Variants in GALNT13 observed in about 807,000 individuals in gnomAD.
GALNT13 encodes polypeptide N-acetylgalactosaminyltransferase 13.
Under a neutral mutation model 64.2 loss-of-function variants are expected in GALNT13, and 28 were observed. The observed-to-expected ratio is 0.44, with a 90% CI of 0.32 to 0.60. The LOEUF (loss-of-function observed/expected upper bound fraction) is 0.60. GALNT13 is among the 20% of genes least tolerant of loss of function. The pLI is 0.05. For synonymous variants in GALNT13, 214 were observed against 224.6 expected (o/e 0.95, Z 0.42); for missense variants, 577 against 669.8 (o/e 0.86, Z 1.53).
chr2:154,052,856 C>T (rs564272147), intron 3 of GALNT13, among the ~76,000 whole-genome samples: 1 of 151,890 alleles, frequency 6.6e-6, no homozygotes, highest in South Asian at 2.1e-4. Context: ...TCTGCCTCAG[C>T]CTCCCTAGTA....
At chr2:153,692,169 T>C in the GALNT13 span, among the ~76,000 whole-genome samples, 2 of 152,136 alleles carry the variant, frequency 1.3e-5, no homozygotes, top group African/African-American at 4.8e-5. Context: ...TGGTATAAAT[T>C]ATATAAACAT....
the GALNT13 span, among the ~76,000 whole-genome samples, chr2:153,077,429 T>G: frequency 6.6e-5 from 10 of 152,218 alleles, no homozygotes; most frequent in South Asian, 2.1e-3. Context: ...AGAGATCTAG[T>G]GCTCTGATAA....
the GALNT13 span, among the ~76,000 whole-genome samples, chr2:153,518,218 G>T: frequency 1.3e-5 from 2 of 151,998 alleles, no homozygotes; most frequent in African/African-American, 4.8e-5. Context: ...ATCCAAATAT[G>T]TTCTTCTATT....
chr2:153,721,695 A>C, the GALNT13 span, among the ~76,000 whole-genome samples: 1 of 151,922 alleles, frequency 6.6e-6, no homozygotes, highest in Non-Finnish European at 1.5e-5. Flanking sequence ...AAACCAACAA[A>C]GATCAAAAGA....
intron 4 of GALNT13, among the ~76,000 whole-genome samples, chr2:154,225,153 A>AGAT (rs767166507): frequency 0.17 from 18,926 of 114,118 alleles, 1,294 homozygotes; most frequent in South Asian, 0.2. Context: ...GATGACAGAT[A>AGAT]GATAGATGAT....
intron 3 of GALNT13, among the ~76,000 whole-genome samples, chr2:154,115,742 T>G (rs1703261691): frequency 6.6e-6 from 1 of 152,064 alleles, no homozygotes; most frequent in Admixed American, 6.6e-5. Context: ...ATTTTTAACT[T>G]CCCGATCTGC....
At chr2:153,647,497 A>T in the GALNT13 span, among the ~76,000 whole-genome samples, 1,230 of 152,102 alleles carry the variant, frequency 8.1e-3, 18 homozygotes, top group African/African-American at 0.027. Context: ...ATTTTGGCTT[A>T]TGTTGCCATT....
At chr2:153,891,216 C>G (rs186112901) in intron 1 of GALNT13, among the ~76,000 whole-genome samples, 1 of 152,038 alleles carries the variant, frequency 6.6e-6, no homozygotes, top group African/African-American at 2.4e-5. Context: ...CAGATAGGTC[C>G]CTTGGGCCTT....
intron 1 of GALNT13, among the ~76,000 whole-genome samples, chr2:153,890,703 C>T (rs1037325454): frequency 1.3e-5 from 2 of 152,060 alleles, no homozygotes; most frequent in Admixed American, 6.6e-5. Flanking sequence ...AGGAAAGGAG[C>T]TTGTATCCCC....
At chr2:153,560,547 C>A in the GALNT13 span, among the ~76,000 whole-genome samples, 1 of 151,990 alleles carries the variant, frequency 6.6e-6, no homozygotes, top group Non-Finnish European at 1.5e-5. Context: ...TATACATTTC[C>A]ACATGCTTAT....
At chr2:153,078,068 C>G in the GALNT13 span, among the ~76,000 whole-genome samples, 5 of 151,986 alleles carry the variant, frequency 3.3e-5, no homozygotes, top group African/African-American at 1.2e-4. Flanking sequence ...TGGTTTCTCA[C>G]TTTCCTTCTA....
the GALNT13 span, among the ~76,000 whole-genome samples, chr2:153,210,807 A>G: frequency 1.7e-3 from 253 of 152,274 alleles, no homozygotes; most frequent in African/African-American, 5.7e-3. Flanking sequence ...TAAGGTTTCT[A>G]TTTCTTCCAT....
At chr2:154,414,908 A>G (rs1699943146) in intron 11 of GALNT13, among the ~76,000 whole-genome samples, 1 of 151,978 alleles carries the variant, frequency 6.6e-6, no homozygotes, top group Non-Finnish European at 1.5e-5. Flanking sequence ...AAACATTTAT[A>G]TCATCATAAA....
intron 4 of GALNT13, among the ~76,000 whole-genome samples, chr2:154,147,891 T>A (rs2105607020): frequency 6.6e-6 from 1 of 151,926 alleles, no homozygotes; most frequent in Admixed American, 6.6e-5. Context: ...TTCTTTTTTT[T>A]TTTGCTGGGA....
the GALNT13 span, among the ~76,000 whole-genome samples, chr2:153,282,121 T>A: frequency 3.8e-3 from 568 of 150,462 alleles, 3 homozygotes; most frequent in African/African-American, 0.012. Context: ...TCTTAAAAAA[T>A]TTTTTTTTCT....
chr2:153,234,263 G>A, the GALNT13 span, among the ~76,000 whole-genome samples: 1 of 152,270 alleles, frequency 6.6e-6, no homozygotes, highest in African/African-American at 2.4e-5. Context: ...ACAGGCCTGA[G>A]TTAACAAAGA....
At chr2:153,540,582 G>T in the GALNT13 span, among the ~76,000 whole-genome samples, 6 of 152,180 alleles carry the variant, frequency 3.9e-5, no homozygotes, top group Non-Finnish European at 7.3e-5. Context: ...ACAGCCACAG[G>T]TACTAAACAG....
At chr2:154,046,738 G>A (rs781512123) in intron 3 of GALNT13, among the ~76,000 whole-genome samples, 6 of 152,100 alleles carry the variant, frequency 3.9e-5, no homozygotes, top group Non-Finnish European at 8.8e-5. Context: ...GTTCTTATAA[G>A]AGGAAAAGAC....
chr2:153,453,720 G>T, the GALNT13 span, among the ~76,000 whole-genome samples: 26 of 152,256 alleles, frequency 1.7e-4, no homozygotes, highest in African/African-American at 6.3e-4. Context: ...ACTTCCCAAA[G>T]AACTTACAAC....
Sources: allele counts gnomAD v4.1 joint callset (sites outside exome capture counted in the v4.1 genomes callset), GRCh38; gene constraint gnomAD v4.1.1; transcripts MANE v1.5; gene names NCBI Gene and HGNC (gene_info 2026-07-23, HGNC 2026-07-21).